Variants in WDR72 observed in about 807,000 individuals in gnomAD.
WDR72 encodes WD repeat-containing protein 72.
Under a neutral mutation model 124.2 loss-of-function variants are expected in WDR72, and 120 were observed. The ratio of observed to expected loss-of-function variants is 0.97; its 90% CI spans 0.83 to 1.12. The LOEUF (loss-of-function observed/expected upper bound fraction) is 1.12. Among genes scored for constraint, WDR72 ranks in the 50% most tolerant of loss-of-function variants. The probability of loss-of-function intolerance (pLI) is 0.00; values close to 1 mark genes in which losing one functional copy is unlikely to be tolerated. For missense variants in WDR72, 1,387 were observed against 1,278.8 expected (o/e 1.08, Z -1.29); for synonymous variants, 452 against 441.7 (o/e 1.02, Z -0.29).
intron 18 of WDR72, among the ~76,000 whole-genome samples, chr15:53,550,881 C>T (rs2140278497): frequency 6.6e-6 from 1 of 152,164 alleles, no homozygotes; most frequent in Middle Eastern, 3.4e-3. Context: ...TAGAATCTGA[C>T]TAGGAGACAC....
At chr15:53,653,265 G>T (rs2015304526) in intron 14 of WDR72, among the ~76,000 whole-genome samples, 2 of 152,108 alleles carry the variant, frequency 1.3e-5, no homozygotes, top group African/African-American at 4.8e-5. Flanking sequence ...GATATGCCAG[G>T]TGATGAGAAT....
chr15:53,710,944 T>G lies in WDR72; in HGVS notation c.867A>C (p.Ser289=). 6.2e-7 allele frequency: 1 copy of G among 1,613,654 alleles called. No individual in the cohort carries two copies. The highest frequency in any genetic ancestry group is 8.5e-7 in the Non-Finnish European group (1 of 1,179,880). ...TTCCATCAGCAGGGTATATGCTTTTTGAAAGCCCACTGCGTGGCAAAAATA... is the reference window on the plus strand; with the variant it reads ...TTCCATCAGCAGGGTATATGCTTTTGGAAAGCCCACTGCGTGGCAAAAATA... The part of the protein sequence containing the change: ...YIYQLLNSGL[S]KSIYPADGRV... The change falls in exon 9 of 20, where the codon TCA becomes TCC. Residue 289 remains serine (S), a synonymous_variant. Coordinates refer to ENST00000360509, the MANE Select transcript of WDR72 (RefSeq NM_182758.4).
chr15:53,534,401 C>T (rs532894959), intron 18 of WDR72, among the ~76,000 whole-genome samples: 1 of 152,266 alleles, frequency 6.6e-6, no homozygotes, highest in East Asian at 1.9e-4. Flanking sequence ...CAAAAGATTA[C>T]ACCTTCTCCC....
At chr15:53,634,589 T>C (rs369641253) in intron 14 of WDR72, among the ~76,000 whole-genome samples, 5 of 152,278 alleles carry the variant, frequency 3.3e-5, no homozygotes, top group East Asian at 1.9e-4. Context: ...ATGCAGCCCA[T>C]AGGCTGCAGG....
At chr15:53,595,677 C>T (rs1379582525) in intron 18 of WDR72, among the ~76,000 whole-genome samples, 1 of 152,120 alleles carries the variant, frequency 6.6e-6, no homozygotes, top group African/African-American at 2.4e-5. Context: ...ATCAATGACA[C>T]TATGGGCAGC....
chr15:53,694,050 C>T (rs940307634), intron 13 of WDR72, among the ~76,000 whole-genome samples: 4 of 152,140 alleles, frequency 2.6e-5, no homozygotes, highest in Non-Finnish European at 4.4e-5. Context: ...CCCCTAAACC[C>T]AAGCCCCAAG....
At chr15:53,532,345 T>C (rs376527661) in intron 18 of WDR72, among the ~76,000 whole-genome samples, 1 of 152,160 alleles carries the variant, frequency 6.6e-6, no homozygotes, top group Non-Finnish European at 1.5e-5. Flanking sequence ...TGTATTCCCA[T>C]GTTTATTGTA....
At chr15:53,529,164 A>ATATATATATATAT (rs59003623) in intron 18 of WDR72, among the ~76,000 whole-genome samples, 2 of 78,168 alleles carry the variant, frequency 2.6e-5, no homozygotes, top group South Asian at 3.8e-4. Flanking sequence ...ATATATATAT[A>ATATATATATATAT]TTTTTTTTTT....
At chr15:53,716,544 T>C (rs888642544) in intron 4 of WDR72, 63 bp downstream of exon 4, 1 of 1,097,668 alleles carries the variant, frequency 9.1e-7, no homozygotes, top group East Asian at 2.4e-5. Flanking sequence ...AGAAGTGTAT[T>C]TGCAAATGCC....
intron 17 of WDR72, among the ~76,000 whole-genome samples, chr15:53,600,563 T>G (rs1022984501): frequency 1.1e-4 from 16 of 152,174 alleles, no homozygotes; most frequent in African/African-American, 3.9e-4. Context: ...TACTGAGTCT[T>G]AGGCAAGCTA....
intron 12 of WDR72, among the ~76,000 whole-genome samples, chr15:53,701,559 TCACACACACACA>T (rs58047374): frequency 1.7e-5 from 2 of 120,100 alleles, no homozygotes; most frequent in East Asian, 2.9e-4. Flanking sequence ...TCTCTCTCTC[TCACACACACACA>T]CACACACACA....
At chr15:53,746,935 G>A (rs935553346) in intron 1 of WDR72, among the ~76,000 whole-genome samples, 1 of 152,220 alleles carries the variant, frequency 6.6e-6, no homozygotes, top group Non-Finnish European at 1.5e-5. Context: ...CAGCTAGCTA[G>A]TAAGTGGAAA....
chr15:53,715,426 C>T (rs912896889), intron 4 of WDR72, 59 bp from the exon 5 acceptor site: 45 of 1,598,724 alleles, frequency 2.8e-5, no homozygotes, highest in Non-Finnish European at 3.9e-5. Context: ...CATAATTTGG[C>T]TACATTGAAG....
intron 19 of WDR72, among the ~76,000 whole-genome samples, chr15:53,521,462 GGAAAAA>G (rs2140206379): frequency 1.3e-5 from 2 of 152,182 alleles, no homozygotes; most frequent in South Asian, 4.1e-4. Context: ...AAGGGACAGA[GGAAAAA>G]GCCAGAGTAA....
At chr15:53,604,635 G>C (rs2013196050) in intron 17 of WDR72, among the ~76,000 whole-genome samples, 1 of 151,648 alleles carries the variant, frequency 6.6e-6, no homozygotes, top group East Asian at 1.9e-4. Context: ...AAATTTACAA[G>C]AAAAAAAACT....
chr15:53,742,785 C>T (rs1261538702), intron 1 of WDR72, among the ~76,000 whole-genome samples: 2 of 152,122 alleles, frequency 1.3e-5, no homozygotes, highest in Admixed American at 6.5e-5. Context: ...ACACTTTGTA[C>T]GTAAATACTT....
chr15:53,687,338 G>C (rs1354417202), intron 13 of WDR72, among the ~76,000 whole-genome samples: 1 of 150,392 alleles, frequency 6.6e-6, no homozygotes, highest in African/African-American at 2.5e-5. Context: ...GAAAAAAAGA[G>C]AGAAGAATCA....
At chr15:53,657,054 G>A (rs690080) in intron 14 of WDR72, among the ~76,000 whole-genome samples, 116,900 of 151,546 alleles carry the variant, frequency 0.77, 45,144 homozygotes, top group South Asian at 0.8. Context: ...CACAAGGTCA[G>A]GAGATCGAGA....
chr15:53,587,003 G>T lies in WDR72; in HGVS notation c.3148+10076C>A, dbSNP rs140118545. ...CGGTAGGGTTGGTACTGCCCCCTAG[G>T]GGGAGGCTTTGGAAACTGCCCAAGT... On this transcript the variant is annotated intron_variant, in intron 18 of 19. Coordinates refer to ENST00000360509, the MANE Select transcript of WDR72 (RefSeq NM_182758.4). 3.7e-3 allele frequency among the ~76,000 whole-genome samples: 569 copies of T among 151,966 alleles called. 1 individual carries two copies. Among genetic ancestry groups the T allele is most frequent in the Admixed American group, 4.7e-3 (72 of 15,266 alleles).
Sources: gnomAD v4.1 joint callset for allele counts (sites outside exome capture counted in the v4.1 genomes callset) on GRCh38, gnomAD v4.1.1 for gene constraint, MANE v1.5 for transcripts, NCBI Gene and HGNC (gene_info 2026-07-23, HGNC 2026-07-21) for gene names.